Variants in LMBRD2 observed in about 807,000 individuals in gnomAD.
LMBRD2 encodes the protein G protein-coupled receptor-associated protein LMBRD2.
Under a neutral mutation model 94.4 loss-of-function variants are expected in LMBRD2, and 55 were observed. The observed-to-expected ratio is 0.58, with a 90% CI of 0.47 to 0.73. LMBRD2 has a LOEUF of 0.73. Among genes scored for constraint, LMBRD2 ranks in the 30% least tolerant of loss-of-function variants. LMBRD2 has a pLI of 0.00. For synonymous variants in LMBRD2, 246 were observed against 272.4 expected (o/e 0.90, Z 0.95); for missense variants, 640 against 831.9 (o/e 0.77, Z 2.84).
Position 36,099,791 on chromosome 5 carries a change from T to A in LMBRD2, c.*4255A>T, listed in dbSNP as rs1743310020. 6.6e-6 allele frequency: 1 copy of A among 151,640 alleles called. No individual in the cohort carries two copies. The highest frequency in any genetic ancestry group is 1.5e-5 in the Non-Finnish European group (1 of 68,008). The allele number at this position is 151,640 out of a possible 1,614,324, so 9.4% of individuals were successfully genotyped here. A position where few individuals can be genotyped will look rare whatever the true frequency, so the allele number is the denominator to read the frequency against. Reference sequence around the variant, plus strand: ...AAAAAATAAATGTCTTTTAGGATATTGATGAGAAGAGGAACATGCCAATAT... The same window carrying A: ...AAAAAATAAATGTCTTTTAGGATATAGATGAGAAGAGGAACATGCCAATAT... On this transcript the variant is annotated 3_prime_UTR_variant, in exon 18 of 18. Transcript: ENST00000296603.
Position 36,101,969 on chromosome 5 carries a change from A to G in LMBRD2, c.*2077T>C, listed in dbSNP as rs1743355093. The G allele has an allele frequency of 6.6e-6, 1 of 151,916 alleles. No homozygotes were observed. The highest frequency in any genetic ancestry group is 1.5e-5 in the Non-Finnish European group (1 of 67,832). The allele number at this position is 151,916 out of a possible 1,614,324, so 9.4% of individuals were successfully genotyped here. A position where few individuals can be genotyped will look rare whatever the true frequency, so the allele number is the denominator to read the frequency against. On this transcript the variant is annotated 3_prime_UTR_variant, in exon 18 of 18. Transcript: ENST00000296603. ...CTTTTCCTTTTCTGCTTCTGTTTCA[A>G]CAACAGCATCTTAATTTCATGACAA...
At chr5:36,135,266 G>C (rs1211817097) in intron 6 of LMBRD2, among the ~76,000 whole-genome samples, 1 of 152,074 alleles carries the variant, frequency 6.6e-6, no homozygotes, top group Non-Finnish European at 1.5e-5. Context: ...ATAGAATGGG[G>C]ATTTACAAAA....
chr5:36,109,731 G>T (rs926736507), intron 15 of LMBRD2, among the ~76,000 whole-genome samples: 2 of 151,980 alleles, frequency 1.3e-5, no homozygotes, highest in Admixed American at 1.3e-4. Flanking sequence ...TAAACACAAA[G>T]AAATTTATTA....
At chr5:36,118,127 T>C (rs73748797) in intron 9 of LMBRD2, among the ~76,000 whole-genome samples, 8,165 of 152,242 alleles carry the variant, frequency 0.054, 754 homozygotes, top group African/African-American at 0.19. Flanking sequence ...GATGTACTGA[T>C]AGGAATGTGA....
intron 6 of LMBRD2, among the ~76,000 whole-genome samples, chr5:36,126,267 A>G (rs893981327): frequency 6.6e-6 from 1 of 152,190 alleles, no homozygotes; most frequent in African/African-American, 2.4e-5. Flanking sequence ...TTGTTTATAT[A>G]TTATATGTGA....
intron 4 of LMBRD2, among the ~76,000 whole-genome samples, chr5:36,139,021 G>T (rs1293969482): frequency 3.3e-5 from 5 of 152,146 alleles, no homozygotes; most frequent in Non-Finnish European, 5.9e-5. Context: ...AGAGGTGGGA[G>T]CCCCACCCCC....
chr5:36,106,508 CGTTT>C (rs1743471692), intron 16 of LMBRD2, among the ~76,000 whole-genome samples: 2 of 132,868 alleles, frequency 1.5e-5, no homozygotes, highest in Admixed American at 7.7e-5. Context: ...TTTTTTCTTT[CGTTT>C]TTTTTTTTTT....
rs1432781553 is a variant in LMBRD2 at position 36,136,480 on chromosome 5, T to C, written c.576A>G (p.Thr192=). 1.2e-6 allele frequency: 2 copies of C among 1,613,992 alleles called. No homozygotes were observed. Among genetic ancestry groups the C allele is most frequent in the Admixed American group, 1.7e-5 (1 of 60,008 alleles). Residue 192 remains threonine (T), a synonymous_variant, in exon 6 of 18, where the codon ACA becomes ACG. Coordinates refer to ENST00000296603, the MANE Select transcript of LMBRD2 (RefSeq NM_001007527.2). ...LQTIGIAAAN[T]WGLFLLVLLL... is the part of the protein sequence containing the mutation. ...ACAACACAAGAAGAAACAGACCCCATGTATTTGCAGCAGCTATCCCAATTG... is the reference window on the plus strand; with the variant it reads ...ACAACACAAGAAGAAACAGACCCCACGTATTTGCAGCAGCTATCCCAATTG...
intron 8 of LMBRD2, 102 bp from the exon 9 acceptor site, chr5:36,122,565 G>A (rs1743911857): frequency 9.6e-7 from 1 of 1,045,800 alleles, no homozygotes; most frequent in African/African-American, 1.6e-5. Flanking sequence ...ATGGGAAAGT[G>A]CTAGGGCATT....
intron 3 of LMBRD2, 79 bp from the exon 4 acceptor site, chr5:36,141,281 A>G: frequency 1.3e-6 from 1 of 783,390 alleles, no homozygotes; most frequent in Non-Finnish European, 2.1e-6. Context: ...CATGTGGCCA[A>G]GTTAATTTAC....
intron 11 of LMBRD2, among the ~76,000 whole-genome samples, chr5:36,115,517 G>A (rs1450715786): frequency 6.6e-6 from 1 of 152,168 alleles, no homozygotes; most frequent in Non-Finnish European, 1.5e-5. Context: ...ATCAACATAT[G>A]TCATTCTGAC....
intron 6 of LMBRD2, among the ~76,000 whole-genome samples, chr5:36,128,455 C>T (rs1410918808): frequency 6.6e-6 from 1 of 152,056 alleles, no homozygotes; most frequent in East Asian, 1.9e-4. Context: ...AGTACAGTGG[C>T]TCACTCCTGT....
chr5:36,141,912 A>AT (rs1561523365), intron 3 of LMBRD2, among the ~76,000 whole-genome samples: 2 of 152,266 alleles, frequency 1.3e-5, no homozygotes, highest in East Asian at 1.9e-4. Context: ...CTGAAGTTAG[A>AT]TTTTTTAAAA....
chr5:36,109,906 A>T lies in LMBRD2; in HGVS notation c.1791+39T>A, dbSNP rs756043677. ...AAGATTCTTAAGAAATTAAATTTCA[A>T]ATTAATCTTCAGATTACAGAAATTA... On this transcript the variant is annotated intron_variant, in intron 15 of 17. Coordinates refer to ENST00000296603, the MANE Select transcript of LMBRD2 (RefSeq NM_001007527.2). 5.6e-6 allele frequency: 8 copies of T among 1,428,860 alleles called. No homozygotes were observed. The African/African-American group carries it at 1.1e-4, about 20-fold the overall frequency. The allele number at this position is 1,428,860 out of a possible 1,614,324, so 88.5% of individuals were successfully genotyped here.
chr5:36,117,689 T>C (rs758893624), intron 10 of LMBRD2, 46 bp downstream of exon 10: 24 of 1,329,448 alleles, frequency 1.8e-5, no homozygotes, highest in Non-Finnish European at 2.3e-5. Flanking sequence ...TTAAGGATTA[T>C]ACTATGAAGT....
At position 36,100,028 on chromosome 5, in the gene LMBRD2, A is replaced by G. The variant is rs1743315869; in HGVS notation, c.*4018T>C. On this transcript the variant is annotated 3_prime_UTR_variant, in exon 18 of 18. Coordinates refer to ENST00000296603, the MANE Select transcript of LMBRD2 (RefSeq NM_001007527.2). Reference sequence around the variant, plus strand: ...GGAAAGGGGAAAGAAAACATTGCCCAGTCTTCCAAGTCTCTGGGCAAAAAG... The same window carrying G: ...GGAAAGGGGAAAGAAAACATTGCCCGGTCTTCCAAGTCTCTGGGCAAAAAG... 1 of 152,112 alleles carries G rather than the reference A, an allele frequency of 6.6e-6. No homozygotes were observed. Among genetic ancestry groups the G allele is most frequent in the South Asian group, 2.1e-4 (1 of 4,826 alleles). 9.4% of individuals were successfully genotyped at this position (152,112 alleles called of 1,614,324 possible). A position where few individuals can be genotyped will look rare whatever the true frequency, so the allele number is the denominator to read the frequency against.
rs376507774 is a variant in LMBRD2, at chr5:36,105,154, G to A, written c.1941C>T (p.Asp647=). The change falls in exon 17 of 18, where the codon GAC becomes GAT. Residue 647 remains aspartate, a synonymous_variant. Transcript: ENST00000296603. The part of the protein sequence containing the change: ...YTRANNRTER[D]RIELLQDAEP... ...CTGCATCTTGGAGAAGTTCTATCCG[G>A]TCCCTTTCAGTCCTGTTATTAGCCC... The A allele has an allele frequency of 3.1e-6, 5 of 1,612,340 alleles. No individual in the cohort carries two copies. Among genetic ancestry groups the A allele is most frequent in the Non-Finnish European group, 4.2e-6 (5 of 1,178,876 alleles).
At chr5:36,129,650 C>A (rs996950080) in intron 6 of LMBRD2, among the ~76,000 whole-genome samples, 1 of 151,998 alleles carries the variant, frequency 6.6e-6, no homozygotes, top group Non-Finnish European at 1.5e-5. Context: ...CATTGATGAG[C>A]AATAAAAATC....
chr5:36,122,207 G>A, intron 9 of LMBRD2, 73 bp downstream of exon 9: 3 of 1,096,002 alleles, frequency 2.7e-6, no homozygotes, highest in Non-Finnish European at 3.9e-6. Flanking sequence ...CTTTGCATTG[G>A]TGAAAATACA....
Sources: gnomAD v4.1 joint callset for allele counts (sites outside exome capture counted in the v4.1 genomes callset) on GRCh38, gnomAD v4.1.1 for gene constraint, MANE v1.5 for transcripts, NCBI Gene and HGNC (gene_info 2026-07-23, HGNC 2026-07-21) for gene names.